The following KLF8 variants were observed in gnomAD, a reference collection of about 807,000 sequenced individuals.
KLF8 encodes the protein KLF transcription factor 8, also known as Krueppel-like factor 8.
KLF8 carries 10 observed loss-of-function variants against 18.2 expected under a neutral mutation model. That is an observed-to-expected ratio of 0.55 (90% CI 0.34 to 0.93). The LOEUF (loss-of-function observed/expected upper bound fraction) is 0.93. Ranked by LOEUF, KLF8 falls within the 40% of genes least tolerant of loss-of-function variation. KLF8 has a pLI of 0.02. For missense variants in KLF8, 264 were observed against 277.9 expected, an observed-to-expected ratio of 0.95 and a Z score of 0.36; for synonymous variants, 109 against 97.3, an observed-to-expected ratio of 1.12 and a Z score of -0.71.
chrX:56,126,685 G>A, the KLF8 span, among the ~76,000 whole-genome samples: 3 of 108,421 alleles, frequency 2.8e-5, no homozygotes, highest in Non-Finnish European at 5.7e-5. Context: ...TTTCTGCTTG[G>A]AATTCTCTTC....
At chrX:55,985,737 C>A in the KLF8 span, among the ~76,000 whole-genome samples, 1 of 110,249 alleles carries the variant, frequency 9.1e-6, no homozygotes, top group East Asian at 2.8e-4. Context: ...GACATTTTCA[C>A]AATATCAGTT....
the KLF8 span, among the ~76,000 whole-genome samples, chrX:56,194,190 C>A: frequency 8.8e-4 from 98 of 111,110 alleles, no homozygotes; most frequent in South Asian, 1.6e-3. Flanking sequence ...ACTGAGGTAC[C>A]TGGTTCATCT....
At chrX:56,072,336 C>G in the KLF8 span, among the ~76,000 whole-genome samples, 2 of 111,479 alleles carry the variant, frequency 1.8e-5, no homozygotes, top group African/African-American at 6.5e-5. Context: ...TCAACCAGCT[C>G]CAAGAATAAA....
At chrX:56,281,077 C>A (rs948423003) in intron 5 of KLF8, among the ~76,000 whole-genome samples, 15 of 112,099 alleles carry the variant, frequency 1.3e-4, no homozygotes, top group African/African-American at 4.5e-4. Context: ...GTCAATGCAT[C>A]CCCATTATTG....
chrX:56,027,861 C>T, the KLF8 span, among the ~76,000 whole-genome samples: 3 of 112,680 alleles, frequency 2.7e-5, no homozygotes, highest in African/African-American at 9.7e-5. Flanking sequence ...GGGGTTTTCA[C>T]ACAAGCTTTG....
chrX:56,164,476 G>A, the KLF8 span, among the ~76,000 whole-genome samples: 1 of 91,811 alleles, frequency 1.1e-5, no homozygotes, highest in Non-Finnish European at 2.1e-5. Context: ...CAAATTTGAG[G>A]TTGATCAATT....
chrX:55,973,729 A>T, the KLF8 span, among the ~76,000 whole-genome samples: 47 of 112,476 alleles, frequency 4.2e-4, no homozygotes, highest in Middle Eastern at 4.6e-3. Context: ...GGGAATGCTT[A>T]TACACTGTTG....
the KLF8 span, among the ~76,000 whole-genome samples, chrX:55,941,740 T>C: frequency 2.7e-5 from 3 of 112,007 alleles, no homozygotes; most frequent in Admixed American, 1.9e-4. Flanking sequence ...AGAAGACATT[T>C]ATGCAGCCGA....
chrX:55,987,676 T>C, the KLF8 span, among the ~76,000 whole-genome samples: 2 of 112,413 alleles, frequency 1.8e-5, no homozygotes, highest in East Asian at 5.5e-4. Flanking sequence ...TGCATGTGTC[T>C]TTATAGCAGC....
At chrX:56,193,875 G>T in the KLF8 span, among the ~76,000 whole-genome samples, 1 of 111,633 alleles carries the variant, frequency 9.0e-6, no homozygotes, top group Admixed American at 9.5e-5. Context: ...AAAAAAAATT[G>T]AAAGAATGTA....
chrX:56,284,293 T>C lies in KLF8; in HGVS notation c.899-20T>C. On this transcript the variant is annotated intron_variant, in intron 5 of 5. Coordinates refer to ENST00000468660, the MANE Select transcript of KLF8 (RefSeq NM_007250.5). ...CATCCTCTCTCTGATTCTCTTTTTTTTGTCACATTCCCTTTTTAGGAGAGA... is the reference window on the plus strand; with the variant it reads ...CATCCTCTCTCTGATTCTCTTTTTTCTGTCACATTCCCTTTTTAGGAGAGA... The C allele has an allele frequency of 9.2e-7, 1 of 1,090,294 alleles. No homozygotes were observed. Among genetic ancestry groups the C allele is most frequent in the South Asian group, 2.4e-5 (1 of 41,695 alleles). The allele number at this position is 1,090,294 out of a possible 1,213,427, so 89.9% of individuals were successfully genotyped here.
the KLF8 span, among the ~76,000 whole-genome samples, chrX:56,161,771 G>A: frequency 4.5e-5 from 5 of 111,779 alleles, no homozygotes; most frequent in South Asian, 7.5e-4. Context: ...CTCTCAACTC[G>A]TCAAAGTCAT....
At chrX:56,211,918 T>C in the KLF8 span, among the ~76,000 whole-genome samples, 8 of 110,737 alleles carry the variant, frequency 7.2e-5, no homozygotes, top group South Asian at 3.8e-4. Flanking sequence ...GGTAATGTGC[T>C]GAATCTCACC....
the KLF8 span, among the ~76,000 whole-genome samples, chrX:56,052,527 G>C: frequency 2.7e-5 from 3 of 111,817 alleles, no homozygotes; most frequent in East Asian, 5.6e-4. Flanking sequence ...AATACCTGCC[G>C]TGTGAGGTGT....
chrX:56,187,654 A>G, the KLF8 span, among the ~76,000 whole-genome samples: 1 of 111,180 alleles, frequency 9.0e-6, no homozygotes, highest in South Asian at 3.8e-4. Context: ...GTCCAGCAGC[A>G]CATCAAAAAA....
chrX:56,007,634 C>G, the KLF8 span, among the ~76,000 whole-genome samples: 2 of 111,555 alleles, frequency 1.8e-5, no homozygotes, highest in Non-Finnish European at 3.8e-5. Flanking sequence ...TAAACTCTGT[C>G]TTTGACATGT....
chrX:55,940,461 C>G, the KLF8 span, among the ~76,000 whole-genome samples: 1 of 111,899 alleles, frequency 8.9e-6, no homozygotes, highest in Non-Finnish European at 1.9e-5. Context: ...CCTTTGAACA[C>G]TGGCACAAAA....
chrX:56,114,391 G>A, the KLF8 span, among the ~76,000 whole-genome samples: 7 of 112,876 alleles, frequency 6.2e-5, 1 homozygote, highest in South Asian at 7.3e-4. Flanking sequence ...TTTAGATATC[G>A]CTCTGCTGCG....
intron 1 of KLF8, chrX:56,242,967 C>T (rs2066566900): frequency 2.1e-6 from 1 of 470,405 alleles, no homozygotes; most frequent in Admixed American, 2.4e-5. Context: ...TGGCAACATC[C>T]AAAGCATTGT....
Sources: allele counts gnomAD v4.1 joint callset (sites outside exome capture counted in the v4.1 genomes callset), GRCh38; gene constraint gnomAD v4.1.1; transcripts MANE v1.5; gene names NCBI Gene and HGNC (gene_info 2026-07-23, HGNC 2026-07-21).